The following GPC6 variants were observed in gnomAD, a reference collection of about 807,000 sequenced individuals.
GPC6 encodes the protein glypican 6.
GPC6 carries 14 observed loss-of-function variants against 55.2 expected under a neutral mutation model. The ratio of observed to expected loss-of-function variants is 0.25; its 90% CI spans 0.17 to 0.40. The LOEUF (loss-of-function observed/expected upper bound fraction) is 0.40. Ranked by LOEUF, GPC6 falls within the 10% of genes least tolerant of loss-of-function variation. The pLI, the probability that GPC6 is intolerant of heterozygous loss-of-function variation, is 1.00. For synonymous variants in GPC6, 278 were observed against 259.6 expected (o/e 1.07, Z -0.68); for missense variants, 641 against 708.5 (o/e 0.90, Z 1.08).
At chr13:94,216,139 T>C (rs892104906) in intron 4 of GPC6, among the ~76,000 whole-genome samples, 3 of 152,240 alleles carry the variant, frequency 2.0e-5, no homozygotes, top group African/African-American at 7.2e-5. Flanking sequence ...ACTGCATTCC[T>C]CATTGTATTC....
chr13:94,081,347 A>T (rs1042537249), intron 4 of GPC6, among the ~76,000 whole-genome samples: 5 of 152,158 alleles, frequency 3.3e-5, no homozygotes, highest in African/African-American at 9.7e-5. Flanking sequence ...ACTCAAAGAC[A>T]TATTATCTCT....
At chr13:94,260,293 G>A (rs1299737976) in intron 4 of GPC6, among the ~76,000 whole-genome samples, 1 of 152,172 alleles carries the variant, frequency 6.6e-6, no homozygotes, top group African/African-American at 2.4e-5. Flanking sequence ...GTGCTTTGAA[G>A]ATCAGTTAAG....
At chr13:94,015,205 ATCTG>A (rs1405065448) in intron 3 of GPC6, among the ~76,000 whole-genome samples, 11 of 152,130 alleles carry the variant, frequency 7.2e-5, no homozygotes, top group Non-Finnish European at 1.0e-4. Flanking sequence ...ACTGGTTATT[ATCTG>A]TCTTTTTTAT....
chr13:94,333,613 T>A (rs1877534894), intron 6 of GPC6, among the ~76,000 whole-genome samples: 1 of 152,254 alleles, frequency 6.6e-6, no homozygotes, highest in Non-Finnish European at 1.5e-5. Context: ...TGCAATGCAC[T>A]TCAAGTCATC....
At chr13:94,105,383 G>A (rs1828032047) in intron 4 of GPC6, among the ~76,000 whole-genome samples, 1 of 152,006 alleles carries the variant, frequency 6.6e-6, no homozygotes, top group Admixed American at 6.6e-5. Flanking sequence ...TAAAAGGATA[G>A]AATTGATGTT....
At chr13:93,497,362 C>T (rs1196028421) in intron 1 of GPC6, among the ~76,000 whole-genome samples, 8 of 152,196 alleles carry the variant, frequency 5.3e-5, no homozygotes, top group African/African-American at 1.4e-4. Context: ...AGGGGCAGGT[C>T]ATAAAATAAA....
At chr13:93,755,835 G>T (rs1386799161) in intron 2 of GPC6, among the ~76,000 whole-genome samples, 10 of 152,068 alleles carry the variant, frequency 6.6e-5, no homozygotes, top group African/African-American at 2.4e-4. Context: ...GTTCATCATT[G>T]TATGTTATAC....
At chr13:93,797,542 G>C (rs1426080303) in intron 2 of GPC6, among the ~76,000 whole-genome samples, 1 of 152,150 alleles carries the variant, frequency 6.6e-6, no homozygotes, top group Non-Finnish European at 1.5e-5. Flanking sequence ...ATATATGAAT[G>C]AGCAAGGGAA....
intron 1 of GPC6, among the ~76,000 whole-genome samples, chr13:93,233,877 A>T (rs1327451983): frequency 6.6e-6 from 1 of 152,056 alleles, no homozygotes; most frequent in Non-Finnish European, 1.5e-5. Flanking sequence ...TCCAAAGGTA[A>T]CCCCTGCTTC....
At chr13:93,710,730 T>C (rs1014476925) in intron 2 of GPC6, among the ~76,000 whole-genome samples, 6 of 149,500 alleles carry the variant, frequency 4.0e-5, no homozygotes, top group Non-Finnish European at 7.4e-5. Flanking sequence ...AAGAAACTTA[T>C]AGAAATTATA....
intron 2 of GPC6, among the ~76,000 whole-genome samples, chr13:93,553,163 A>C (rs1875249067): frequency 6.6e-6 from 1 of 152,190 alleles, no homozygotes; most frequent in African/African-American, 2.4e-5. Flanking sequence ...TGGTACCAGC[A>C]GATTCTTTAT....
At chr13:93,319,557 G>C (rs553567401) in intron 1 of GPC6, among the ~76,000 whole-genome samples, 1 of 150,084 alleles carries the variant, frequency 6.7e-6, no homozygotes, top group East Asian at 2.0e-4. Flanking sequence ...GTAAAATAAA[G>C]AGTAGAAGCA....
At chr13:93,830,576 GTGTTCCTTGTTTATTC>G in intron 3 of GPC6, 31 bp downstream of exon 3, 2 of 1,387,722 alleles carry the variant, frequency 1.4e-6, no homozygotes, top group Non-Finnish European at 2.0e-6. Context: ...TTTCTCATTG[GTGTTCCTTGTTTATTC>G]TGTTTTTAAA....
At chr13:94,145,582 A>T (rs1887534232) in intron 4 of GPC6, among the ~76,000 whole-genome samples, 1 of 152,148 alleles carries the variant, frequency 6.6e-6, no homozygotes, top group South Asian at 2.1e-4. Context: ...GTAGCATGAG[A>T]AGTGTAAGCT....
chr13:94,085,989 C>T (rs1885268719), intron 4 of GPC6, among the ~76,000 whole-genome samples: 1 of 152,044 alleles, frequency 6.6e-6, no homozygotes, highest in Admixed American at 6.6e-5. Context: ...AGAGAATATC[C>T]CTTCTGTTCT....
At chr13:93,884,123 G>A (rs990335016) in intron 3 of GPC6, among the ~76,000 whole-genome samples, 7 of 152,100 alleles carry the variant, frequency 4.6e-5, no homozygotes, top group East Asian at 1.9e-4. Flanking sequence ...ATGTAGTTAT[G>A]AGCATCATTC....
chr13:93,651,979 A>C (rs552050420), intron 2 of GPC6, among the ~76,000 whole-genome samples: 1 of 152,274 alleles, frequency 6.6e-6, no homozygotes, highest in South Asian at 2.1e-4. Context: ...CACTGGGCTA[A>C]ATGATAAATT....
intron 2 of GPC6, among the ~76,000 whole-genome samples, chr13:93,594,930 A>G (rs1371356932): frequency 6.6e-6 from 1 of 151,948 alleles, no homozygotes; most frequent in Non-Finnish European, 1.5e-5. Flanking sequence ...ACCTTCAAAT[A>G]CCATCACATT....
chr13:94,229,287 A>G (rs1380766441), intron 4 of GPC6, among the ~76,000 whole-genome samples: 1 of 152,124 alleles, frequency 6.6e-6, no homozygotes, highest in Non-Finnish European at 1.5e-5. Flanking sequence ...GAAAGGCAGG[A>G]TAGGGAATAA....
Sources: allele counts gnomAD v4.1 joint callset (sites outside exome capture counted in the v4.1 genomes callset), GRCh38; gene constraint gnomAD v4.1.1; transcripts MANE v1.5; gene names NCBI Gene and HGNC (gene_info 2026-07-23, HGNC 2026-07-21).